Variants in RBFOX1 observed in about 807,000 individuals in gnomAD.
The protein encoded by RBFOX1 is RNA binding fox-1 homolog 1.
Under a neutral mutation model 57.7 loss-of-function variants are expected in RBFOX1, and 8 were observed. The observed-to-expected ratio is 0.14, with a 90% CI of 0.08 to 0.25. The LOEUF (loss-of-function observed/expected upper bound fraction) is 0.25. Among genes scored for constraint, RBFOX1 ranks in the 10% least tolerant of loss-of-function variants. RBFOX1 has a pLI of 1.00. For synonymous variants in RBFOX1, 326 were observed against 222.4 expected, an observed-to-expected ratio of 1.47 and a Z score of -4.15; for missense variants, 611 against 548.5, an observed-to-expected ratio of 1.11 and a Z score of -1.14.
chr16:6,954,256 A>T (rs2081320881), intron 3 of RBFOX1, among the ~76,000 whole-genome samples: 1 of 147,982 alleles, frequency 6.8e-6, no homozygotes, highest in South Asian at 2.2e-4. Flanking sequence ...TATGTAATAA[A>T]TCAGGGTAGC....
intron 2 of RBFOX1, among the ~76,000 whole-genome samples, chr16:6,576,717 A>G (rs974017421): frequency 2.6e-5 from 4 of 152,196 alleles, no homozygotes; most frequent in Non-Finnish European, 4.4e-5. Flanking sequence ...TACTAAAACA[A>G]AAGAGGCAAT....
chr16:7,386,773 T>C (rs2097890118), intron 4 of RBFOX1, among the ~76,000 whole-genome samples: 1 of 152,180 alleles, frequency 6.6e-6, no homozygotes, highest in African/African-American at 2.4e-5. Context: ...TAATGGTATT[T>C]CTAGTTCTAT....
intron 1 of RBFOX1, among the ~76,000 whole-genome samples, chr16:6,277,116 G>C (rs895422015): frequency 6.6e-6 from 1 of 152,048 alleles, no homozygotes; most frequent in East Asian, 1.9e-4. Context: ...ATTGCCGGAG[G>C]TTCAGAAAAT....
intron 3 of RBFOX1, among the ~76,000 whole-genome samples, chr16:5,839,982 G>A (rs978604594): frequency 7.9e-5 from 12 of 152,172 alleles, no homozygotes; most frequent in South Asian, 2.1e-4. Flanking sequence ...ACATCTAACA[G>A]TGTCTGCCAC....
chr16:7,539,611 G>C (rs2082376665), intron 5 of RBFOX1, among the ~76,000 whole-genome samples: 2 of 152,188 alleles, frequency 1.3e-5, no homozygotes, highest in Non-Finnish European at 2.9e-5. Context: ...TCTACATAGA[G>C]GTGATGCCAC....
chr16:7,394,695 G>C (rs770323925), intron 4 of RBFOX1, among the ~76,000 whole-genome samples: 1 of 152,122 alleles, frequency 6.6e-6, no homozygotes, highest in Non-Finnish European at 1.5e-5. Context: ...ACCACGCCAG[G>C]GTTTCATGTG....
At chr16:5,314,505 A>G (rs144356262) in intron 1 of RBFOX1, among the ~76,000 whole-genome samples, 1 of 151,930 alleles carries the variant, frequency 6.6e-6, no homozygotes, top group East Asian at 1.9e-4. Flanking sequence ...TTATTTACTC[A>G]TTTTTTCTTT....
chr16:7,223,722 A>G (rs2092903236), intron 4 of RBFOX1, among the ~76,000 whole-genome samples: 1 of 151,894 alleles, frequency 6.6e-6, no homozygotes, highest in South Asian at 2.1e-4. Context: ...GAAAAAAAAA[A>G]AAAAAAAAAG....
intron 1 of RBFOX1, among the ~76,000 whole-genome samples, chr16:6,057,594 G>A (rs1231178891): frequency 3.3e-5 from 5 of 152,078 alleles, no homozygotes; most frequent in Non-Finnish European, 7.4e-5. Context: ...AAAGACCAAA[G>A]ACACTGAGCC....
chr16:7,061,022 CTGTG>C (rs112453963), intron 4 of RBFOX1, among the ~76,000 whole-genome samples: 1 of 150,520 alleles, frequency 6.6e-6, no homozygotes, highest in East Asian at 2.0e-4. Flanking sequence ...GTATGTTCTC[CTGTG>C]TGTGTGTGTG....
At chr16:6,557,017 A>C (rs1027927786) in intron 2 of RBFOX1, among the ~76,000 whole-genome samples, 22 of 124,884 alleles carry the variant, frequency 1.8e-4, no homozygotes, top group African/African-American at 9.0e-4. Flanking sequence ...ATATATATAC[A>C]TATATATACA....
chr16:6,771,270 T>G (rs2078246415), intron 3 of RBFOX1, among the ~76,000 whole-genome samples: 1 of 152,146 alleles, frequency 6.6e-6, no homozygotes, highest in Non-Finnish European at 1.5e-5. Flanking sequence ...TTCTGTTGTT[T>G]AAGCCACACA....
At chr16:6,256,881 C>T (rs969969123) in intron 1 of RBFOX1, among the ~76,000 whole-genome samples, 1 of 151,970 alleles carries the variant, frequency 6.6e-6, no homozygotes, top group African/African-American at 2.4e-5. Flanking sequence ...CATATGAAAC[C>T]AGAAGCAAGA....
At chr16:7,381,808 C>T (rs577465746) in intron 4 of RBFOX1, among the ~76,000 whole-genome samples, 47 of 152,224 alleles carry the variant, frequency 3.1e-4, no homozygotes, top group Non-Finnish European at 6.0e-4. Context: ...GCAGTGTGGA[C>T]GCTGGGCTGG....
chr16:6,453,976 G>C (rs1420099564), intron 2 of RBFOX1, among the ~76,000 whole-genome samples: 1 of 152,198 alleles, frequency 6.6e-6, no homozygotes, highest in African/African-American at 2.4e-5. Flanking sequence ...CAAGGCGTTG[G>C]CATGGTTGGT....
At chr16:6,810,338 G>C (rs1244612848) in intron 3 of RBFOX1, among the ~76,000 whole-genome samples, 1 of 152,088 alleles carries the variant, frequency 6.6e-6, no homozygotes, top group Non-Finnish European at 1.5e-5. Flanking sequence ...CGTACAGGAG[G>C]CTTCCGTGCA....
At chr16:7,471,349 C>A (rs1472681527) in intron 4 of RBFOX1, among the ~76,000 whole-genome samples, 1 of 152,068 alleles carries the variant, frequency 6.6e-6, no homozygotes, top group African/African-American at 2.4e-5. Flanking sequence ...TGAAGGAAAA[C>A]TGCTGGGCTA....
chr16:7,653,487 CAG>C (rs1329452336), intron 11 of RBFOX1, among the ~76,000 whole-genome samples: 3 of 152,194 alleles, frequency 2.0e-5, no homozygotes, highest in Non-Finnish European at 4.4e-5. Context: ...GCCTGGGTGA[CAG>C]AGCCAGTCCC....
chr16:6,647,966 C>G (rs1205585430), intron 2 of RBFOX1, among the ~76,000 whole-genome samples: 1 of 152,112 alleles, frequency 6.6e-6, no homozygotes, highest in East Asian at 1.9e-4. Flanking sequence ...GTCAGCCTCT[C>G]TAGTAGCTGG....
Sources: gnomAD v4.1 joint callset for allele counts (sites outside exome capture counted in the v4.1 genomes callset) on GRCh38, gnomAD v4.1.1 for gene constraint, MANE v1.5 for transcripts, NCBI Gene and HGNC (gene_info 2026-07-23, HGNC 2026-07-21) for gene names.